Variants in PACRG observed in about 807,000 individuals in gnomAD.
PACRG encodes the protein parkin coregulated gene protein.
In PACRG, 29 loss-of-function variants were observed where a neutral mutation model predicts 29.7. That is an observed-to-expected ratio of 0.98 (90% confidence interval 0.73 to 1.33). The LOEUF (loss-of-function observed/expected upper bound fraction) is 1.33, where lower values mean the gene tolerates loss of function less well. Among genes scored for constraint, PACRG ranks in the 40% most tolerant of loss-of-function variants. The pLI is 0.00. For synonymous variants in PACRG, 116 were observed against 118.7 expected (o/e 0.98, Z 0.15); for missense variants, 279 against 316.2 (o/e 0.88, Z 0.89).
intron 1 of PACRG, among the ~76,000 whole-genome samples, chr6:162,740,721 T>G (rs377120030): frequency 8.6e-5 from 13 of 151,912 alleles, no homozygotes; most frequent in African/African-American, 2.9e-4. Flanking sequence ...TGCCTCAGCC[T>G]CCAAAGTAGC....
intron 3 of PACRG, among the ~76,000 whole-genome samples, chr6:163,070,138 G>A (rs900381399): frequency 6.6e-6 from 1 of 152,074 alleles, no homozygotes. Context: ...ATCAACACAA[G>A]ACCTGTCCTA....
chr6:162,786,872 G>A (rs553023870), intron 1 of PACRG, among the ~76,000 whole-genome samples: 109 of 152,208 alleles, frequency 7.2e-4, no homozygotes, highest in African/African-American at 2.5e-3. Flanking sequence ...GATCACTTAG[G>A]CTGAACTTAG....
chr6:163,201,361 G>C (rs1780692074), intron 4 of PACRG, among the ~76,000 whole-genome samples: 1 of 152,172 alleles, frequency 6.6e-6, no homozygotes, highest in South Asian at 2.1e-4. Context: ...TAATCCTGCT[G>C]TCTTCAGGTA....
At chr6:162,765,186 A>G (rs1008657748) in intron 1 of PACRG, among the ~76,000 whole-genome samples, 2 of 151,982 alleles carry the variant, frequency 1.3e-5, no homozygotes, top group African/African-American at 4.8e-5. Context: ...TGCTTGCCTG[A>G]ATATTAGTCC....
rs958602390 is a variant in PACRG, at chr6:162,853,768, T to A, written c.291+39487T>A. On this transcript the variant is annotated intron_variant, in intron 2 of 4. Transcript: ENST00000366888. This position sits in a 1 kb window ranked among gnomAD's most constrained non-coding sequence, Gnocchi z 4.7. ...CCCTAAACCTAAAATAAACATTTTTTAAAAAGCTATACTACCAGATATGAA... is the reference window on the plus strand; with the variant it reads ...CCCTAAACCTAAAATAAACATTTTTAAAAAAGCTATACTACCAGATATGAA... 3.3e-5 allele frequency among the ~76,000 whole-genome samples: 5 copies of A among 152,204 alleles called. No homozygotes were observed. Among genetic ancestry groups the A allele is most frequent in the African/African-American group, 9.7e-5 (4 of 41,450 alleles).
chr6:162,880,453 A>G lies in PACRG; in HGVS notation c.291+66172A>G, dbSNP rs143203948. ...TAGAAAGAGCAAAGGAACAACAACA[A>G]CAAAACAGGGCCTATCACAAAATAT... On this transcript the variant is annotated intron_variant, in intron 2 of 4. Transcript: ENST00000366888. Among the ~76,000 whole-genome samples the G allele has an allele frequency of 1.4e-3, 209 of 152,338 alleles. 2 individuals are homozygous for G. Among genetic ancestry groups the G allele is most frequent in the African/African-American group, 4.6e-3 (192 of 41,578 alleles).
intron 4 of PACRG, among the ~76,000 whole-genome samples, chr6:163,121,663 C>CTTTTT (rs771976364): frequency 3.2e-5 from 4 of 126,226 alleles, no homozygotes; most frequent in Non-Finnish European, 5.1e-5. Context: ...TCTCGGTAAT[C>CTTTTT]TTTTTTTTTT....
At chr6:163,174,611 G>C (rs1779256996) in intron 4 of PACRG, among the ~76,000 whole-genome samples, 1 of 152,150 alleles carries the variant, frequency 6.6e-6, no homozygotes, top group Non-Finnish European at 1.5e-5. Context: ...TCTATTTTAA[G>C]GACCATCGCA....
At chr6:162,875,255 A>G (rs778204277) in intron 2 of PACRG, among the ~76,000 whole-genome samples, 1 of 151,872 alleles carries the variant, frequency 6.6e-6, no homozygotes, top group Non-Finnish European at 1.5e-5. Context: ...TCACACACAG[A>G]CATGCACACA....
chr6:162,789,052 T>A (rs924402918), intron 1 of PACRG, among the ~76,000 whole-genome samples: 1 of 151,994 alleles, frequency 6.6e-6, no homozygotes, highest in African/African-American at 2.4e-5. Context: ...GACCAGGGAG[T>A]GCATGCTCTA....
At chr6:163,088,686 T>A (rs1354057531) in intron 3 of PACRG, among the ~76,000 whole-genome samples, 2 of 152,172 alleles carry the variant, frequency 1.3e-5, no homozygotes, top group East Asian at 3.8e-4. Context: ...TCCTTCTAAC[T>A]GAACTTTAAA....
At chr6:162,861,240 T>C (rs1562673468) in intron 2 of PACRG, among the ~76,000 whole-genome samples, 1 of 152,238 alleles carries the variant, frequency 6.6e-6, no homozygotes, top group Non-Finnish European at 1.5e-5. Context: ...TTGGTAACCA[T>C]TTAATAAAAT....
chr6:162,972,863 T>TA (rs138052203), intron 2 of PACRG, among the ~76,000 whole-genome samples: 15,661 of 152,142 alleles, frequency 0.1, 1,626 homozygotes, highest in East Asian at 0.26. Flanking sequence ...ATGAGAATTC[T>TA]AAAAAAATGA....
chr6:163,034,829 G>A (rs547444876), intron 2 of PACRG, among the ~76,000 whole-genome samples: 66 of 152,172 alleles, frequency 4.3e-4, no homozygotes, highest in Non-Finnish European at 8.7e-4. Flanking sequence ...GCGCAAGAAA[G>A]AATTCAGAGT....
chr6:162,939,654 AT>A (rs1287586201), intron 2 of PACRG, among the ~76,000 whole-genome samples: 2 of 143,008 alleles, frequency 1.4e-5, no homozygotes, highest in Admixed American at 7.1e-5. Context: ...TTTTCCATTA[AT>A]TTTACATCTC....
intron 2 of PACRG, among the ~76,000 whole-genome samples, chr6:162,832,011 T>C (rs1788815621): frequency 6.6e-6 from 1 of 152,210 alleles, no homozygotes; most frequent in Non-Finnish European, 1.5e-5. Flanking sequence ...TATATTCCTT[T>C]GTGTATATAC....
intron 4 of PACRG, among the ~76,000 whole-genome samples, chr6:163,265,910 C>T (rs915465596): frequency 1.3e-5 from 2 of 152,178 alleles, no homozygotes; most frequent in African/African-American, 4.8e-5. Context: ...GTACATTTCA[C>T]TTCTGCAAAT....
At position 162,728,054 on chromosome 6, in the gene PACRG, G is replaced by A. The variant is rs1779410903; in HGVS notation, c.-182G>A. ...CTGCCCTCTTCCCGCCCCGCCCCTA[G>A]GGTCCAGCTCCCTTCACCTAGGAGC... On this transcript the variant is annotated 5_prime_UTR_variant, in exon 1 of 5. Coordinates refer to ENST00000366888, the MANE Select transcript of PACRG (RefSeq NM_001080379.2). 1.3e-6 allele frequency: 1 copy of A among 746,870 alleles called. No individual in the cohort carries two copies. The highest frequency in any genetic ancestry group is 2.2e-6 in the Non-Finnish European group (1 of 450,380). The allele number at this position is 746,870 out of a possible 1,614,324, so 46.3% of individuals were successfully genotyped here. A position where few individuals can be genotyped will look rare whatever the true frequency, so the allele number is the denominator to read the frequency against.
chr6:163,246,278 G>A (rs908073926), intron 4 of PACRG, among the ~76,000 whole-genome samples: 1 of 152,042 alleles, frequency 6.6e-6, no homozygotes, highest in African/African-American at 2.4e-5. Flanking sequence ...CAGAAGTCTT[G>A]CTGCTCTTCC....
Sources: gnomAD v4.1 joint callset for allele counts (sites outside exome capture counted in the v4.1 genomes callset) on GRCh38, gnomAD v4.1.1 for gene constraint, Gnocchi (gnomAD v3.1) non-coding constraint, MANE v1.5 for transcripts, NCBI Gene and HGNC (gene_info 2026-07-23, HGNC 2026-07-21) for gene names.